The following RBM20 variants were observed in gnomAD, a reference collection of about 807,000 sequenced individuals.
RBM20 encodes RNA-binding protein 20.
A neutral mutation model predicts 110.1 loss-of-function variants in RBM20; 51 were observed. That is an observed-to-expected ratio of 0.46 (90% CI 0.37 to 0.59). RBM20 has a LOEUF of 0.59. Ranked by LOEUF, RBM20 falls within the 20% of genes least tolerant of loss-of-function variation. The pLI, the probability that RBM20 is intolerant of heterozygous loss-of-function variation, is 0.00. For missense variants in RBM20, 1,512 were observed against 1,574.9 expected (o/e 0.96, Z 0.68); for synonymous variants, 589 against 618.2 (o/e 0.95, Z 0.70).
intron 1 of RBM20, among the ~76,000 whole-genome samples, chr10:110,741,899 A>G (rs965355008): frequency 6.6e-6 from 1 of 151,920 alleles, no homozygotes; most frequent in African/African-American, 2.4e-5. Flanking sequence ...CAGTGTGAGG[A>G]TGATCAGTTT....
At chr10:110,746,464 A>G (rs929431348) in intron 1 of RBM20, among the ~76,000 whole-genome samples, 9 of 152,250 alleles carry the variant, frequency 5.9e-5, no homozygotes, top group Non-Finnish European at 2.9e-5. Flanking sequence ...CTCCTGGAAT[A>G]GATTTAAAAG....
At chr10:110,832,561 G>A (rs1845070817) in intron 13 of RBM20, among the ~76,000 whole-genome samples, 1 of 152,004 alleles carries the variant, frequency 6.6e-6, no homozygotes, top group Non-Finnish European at 1.5e-5. Context: ...CTCAGATATG[G>A]GCCAATTTTC....
At chr10:110,826,437 T>C (rs1844981800) in intron 12 of RBM20, among the ~76,000 whole-genome samples, 4 of 152,208 alleles carry the variant, frequency 2.6e-5, no homozygotes, top group Admixed American at 2.6e-4. Flanking sequence ...AAGGATCTCC[T>C]TTCTGTCACT....
Position 110,812,555 on chromosome 10 carries a change from A to G in RBM20, c.2158A>G (p.Lys720Glu), listed in dbSNP as rs794729151. 1 of 1,551,736 alleles carries G rather than the reference A, an allele frequency of 6.4e-7. No homozygotes were observed. The highest frequency in any genetic ancestry group is 8.7e-7 in the Non-Finnish European group (1 of 1,146,998). ...DRKHHPRQLD[K>E]AELDERPEGG... ...CAAACACCACCCCCGGCAACTGGAC[A>G]AGGCTGAGTTGGACGAGCGACCAGA... Residue 720 changes from lysine to glutamate, a missense_variant, in exon 9 of 14, where the codon AAG (lysine) becomes GAG (glutamate). This residue lies in a region of RBM20 where 1,149 missense variants were observed against 1,169.4 expected (regional missense o/e 0.98). Coordinates refer to ENST00000369519, the MANE Select transcript of RBM20 (RefSeq NM_001134363.3).
chr10:110,672,174 C>T (rs1302101620), intron 1 of RBM20, among the ~76,000 whole-genome samples: 1 of 152,202 alleles, frequency 6.6e-6, no homozygotes, highest in African/African-American at 2.4e-5. Flanking sequence ...TGCGTTTCTC[C>T]GCGCACTTGG....
intron 1 of RBM20, among the ~76,000 whole-genome samples, chr10:110,714,749 G>A (rs937944167): frequency 6.6e-6 from 1 of 152,124 alleles, no homozygotes; most frequent in African/African-American, 2.4e-5. Context: ...GTTGAGAAGG[G>A]GCAACATGGT....
intron 1 of RBM20, among the ~76,000 whole-genome samples, chr10:110,728,676 T>G (rs1843589465): frequency 6.6e-6 from 1 of 152,220 alleles, no homozygotes; most frequent in African/African-American, 2.4e-5. Context: ...TGTGGTGCTC[T>G]CAACCTGTCA....
chr10:110,658,078 T>C (rs1300974810), intron 1 of RBM20, among the ~76,000 whole-genome samples: 2 of 152,182 alleles, frequency 1.3e-5, no homozygotes, highest in African/African-American at 4.8e-5. Flanking sequence ...TGGCAAGTAA[T>C]TATGACCATG....
intron 5 of RBM20, among the ~76,000 whole-genome samples, chr10:110,793,589 C>A (rs4918590): frequency 3.3e-5 from 5 of 152,258 alleles, no homozygotes; most frequent in Admixed American, 6.5e-5. Flanking sequence ...AAACTGAAGC[C>A]AGATACAGAA....
chr10:110,831,817 C>T (rs1370252774), intron 13 of RBM20, among the ~76,000 whole-genome samples: 1 of 152,034 alleles, frequency 6.6e-6, no homozygotes, highest in East Asian at 1.9e-4. Context: ...ACAAAAATCC[C>T]TGTTCTCATG....
chr10:110,782,007 C>A, intron 2 of RBM20, 123 bp downstream of exon 2: 1 of 1,247,820 alleles, frequency 8.0e-7, no homozygotes, highest in Non-Finnish European at 1.1e-6. Flanking sequence ...ATTTTGCCAT[C>A]AGTATTCTTG....
intron 1 of RBM20, chr10:110,756,779 C>G (rs1843927467): frequency 6.6e-6 from 1 of 152,140 alleles, no homozygotes; most frequent in African/African-American, 2.4e-5. Flanking sequence ...CAGAGCAGAC[C>G]CCATTTCCTG....
chr10:110,749,624 A>AC (rs1843827850), intron 1 of RBM20, among the ~76,000 whole-genome samples: 1 of 152,190 alleles, frequency 6.6e-6, no homozygotes, highest in African/African-American at 2.4e-5. Flanking sequence ...AGAGTAAGGT[A>AC]CATCCACAGG....
chr10:110,705,977 G>A (rs1242813067), intron 1 of RBM20, among the ~76,000 whole-genome samples: 1 of 152,092 alleles, frequency 6.6e-6, no homozygotes, highest in African/African-American at 2.4e-5. Context: ...AGCTACTTGG[G>A]AGGCTGAGGT....
chr10:110,669,580 T>C (rs1471603951), intron 1 of RBM20, among the ~76,000 whole-genome samples: 1 of 152,226 alleles, frequency 6.6e-6, no homozygotes, highest in Non-Finnish European at 1.5e-5. Context: ...GCACCTTCAC[T>C]TGGTTACAGT....
In RBM20 at chr10:110,740,327, A is replaced by G. The variant is rs878657; in HGVS notation, c.192-40474A>G. On this transcript the variant is annotated intron_variant, in intron 1 of 13. Transcript: ENST00000369519. The stretch of plus-strand genomic sequence containing the variant: ...AAAAGGACTGTGTCGGAGATAGAAA[A>G]CAACATTTTTTTTAAGTTGGGTGTT... Among the ~76,000 whole-genome samples the G allele has an allele frequency of 8.9e-3, 1,363 of 152,312 alleles. 53 individuals are homozygous for G. The highest frequency in any genetic ancestry group is 0.06 in the Admixed American group (920 of 15,296).
chr10:110,752,247 T>G (rs1188465291), intron 1 of RBM20, among the ~76,000 whole-genome samples: 5 of 152,244 alleles, frequency 3.3e-5, no homozygotes, highest in Admixed American at 6.5e-5. Context: ...TTTTACTGTC[T>G]CTATAGTTCT....
At chr10:110,672,524 C>A (rs1414549184) in intron 1 of RBM20, among the ~76,000 whole-genome samples, 1 of 152,236 alleles carries the variant, frequency 6.6e-6, no homozygotes, top group Non-Finnish European at 1.5e-5. Context: ...GCCAAAGCCC[C>A]CGGGGCGGTG....
At chr10:110,780,008 A>G (rs1844316427) in intron 1 of RBM20, among the ~76,000 whole-genome samples, 1 of 152,020 alleles carries the variant, frequency 6.6e-6, no homozygotes, top group Admixed American at 6.5e-5. Context: ...TTTTTTTGTA[A>G]CAGAGACTTT....
Sources: gnomAD v4.1 joint callset for allele counts (sites outside exome capture counted in the v4.1 genomes callset) on GRCh38, gnomAD v4.1.1 for gene constraint, gnomAD v4.1.1 regional missense constraint, MANE v1.5 for transcripts, NCBI Gene and HGNC (gene_info 2026-07-23, HGNC 2026-07-21) for gene names.